CLEC16A: variants seen among roughly 807,000 people sequenced by gnomAD.
The protein encoded by CLEC16A is protein CLEC16A.
Under a neutral mutation model 109.5 loss-of-function variants are expected in CLEC16A, and 51 were observed. The observed-to-expected ratio is 0.47, with a 90% CI of 0.37 to 0.59. The LOEUF is 0.59. Among genes scored for constraint, CLEC16A ranks in the 20% least tolerant of loss-of-function variants. The pLI, the probability that CLEC16A is intolerant of heterozygous loss-of-function variation, is 0.00. For missense variants in CLEC16A, 1,339 were observed against 1,394.0 expected (o/e 0.96, Z 0.63); for synonymous variants, 673 against 564.2 (o/e 1.19, Z -2.73).
At position 10,944,745 on chromosome 16, in the gene CLEC16A, G is replaced by A. The variant is rs751319151; in HGVS notation, c.28G>A (p.Gly10Ser). 8 of 1,609,412 alleles carry A rather than the reference G, an allele frequency of 5.0e-6. No homozygotes were observed. The highest frequency in any genetic ancestry group is 4.5e-5 in the East Asian group (2 of 44,844). ...GTTTGGCCGCTCGCGGAGCTGGGTGGGCGGGGGCCATGGCAAGACTTCCCG... is the reference window on the plus strand; with the variant it reads ...GTTTGGCCGCTCGCGGAGCTGGGTGAGCGGGGGCCATGGCAAGACTTCCCG... MFGRSRSWV[G>S]GGHGKTSRNI... Residue 10 changes from glycine to serine, a missense_variant, in exon 1 of 24, where the codon GGC becomes AGC. Around this residue, in one of 3 missense-constraint regions of CLEC16A, gnomAD observed 117 missense variants for 120.2 expected, o/e 0.97. Coordinates refer to ENST00000409790, the MANE Select transcript of CLEC16A (RefSeq NM_015226.3).
At chr16:11,026,655 T>TC (rs1386212512) in intron 13 of CLEC16A, among the ~76,000 whole-genome samples, 1 of 151,100 alleles carries the variant, frequency 6.6e-6, no homozygotes, top group East Asian at 1.9e-4. Flanking sequence ...GTTTTTTTTT[T>TC]TTTTTTTTGC....
intron 10 of CLEC16A, among the ~76,000 whole-genome samples, chr16:10,995,320 G>T (rs1053288291): frequency 2.0e-5 from 3 of 152,200 alleles, no homozygotes; most frequent in African/African-American, 7.2e-5. Context: ...CGGTGGATGG[G>T]ACCCTGGGCC....
chr16:10,962,973 T>G (rs2042324234), intron 3 of CLEC16A, among the ~76,000 whole-genome samples: 1 of 151,954 alleles, frequency 6.6e-6, no homozygotes. Flanking sequence ...GCAGGAAGAT[T>G]GTTTGTCAAG....
chr16:11,093,922 G>A (rs1042571737), intron 19 of CLEC16A, among the ~76,000 whole-genome samples: 5 of 152,178 alleles, frequency 3.3e-5, no homozygotes, highest in African/African-American at 1.2e-4. Flanking sequence ...CCAAGCCACG[G>A]TGCGTTCAGG....
intron 22 of CLEC16A, among the ~76,000 whole-genome samples, chr16:11,161,826 G>A (rs1231511066): frequency 6.6e-6 from 1 of 152,194 alleles, no homozygotes; most frequent in Non-Finnish European, 1.5e-5. Context: ...ACGTGTCCAT[G>A]GTGGTACCTC....
At chr16:11,166,654 C>T in intron 23 of CLEC16A, 102 bp downstream of exon 23, 1 of 1,222,238 alleles carries the variant, frequency 8.2e-7, no homozygotes, top group African/African-American at 1.5e-5. Flanking sequence ...TGTCACAGCA[C>T]TTGAAGGATG....
intron 22 of CLEC16A, among the ~76,000 whole-genome samples, chr16:11,141,206 C>T (rs1025607298): frequency 6.6e-6 from 1 of 152,244 alleles, no homozygotes; most frequent in African/African-American, 2.4e-5. Context: ...TGGGCTCTGC[C>T]AGCCATATGG....
chr16:10,945,212 C>G (rs1003506330), intron 1 of CLEC16A, among the ~76,000 whole-genome samples: 1 of 152,200 alleles, frequency 6.6e-6, no homozygotes, highest in Non-Finnish European at 1.5e-5. Flanking sequence ...ATGTAGGCCT[C>G]AGGTTCCCCA....
intron 13 of CLEC16A, among the ~76,000 whole-genome samples, chr16:11,032,956 C>T (rs2046828211): frequency 6.6e-6 from 1 of 151,966 alleles, no homozygotes; most frequent in South Asian, 2.1e-4. Flanking sequence ...TTAAAAGAAA[C>T]GTTGGCTACC....
chr16:10,973,194 C>T, intron 7 of CLEC16A, 133 bp downstream of exon 7: 1 of 1,006,568 alleles, frequency 9.9e-7, no homozygotes, highest in Non-Finnish European at 1.4e-6. Context: ...GACTTCCGTA[C>T]TGTAAAAGGT....
In CLEC16A at chr16:11,009,641, C is replaced by T. The variant is rs77829655; in HGVS notation, c.1303+6336C>T. Among the ~76,000 whole-genome samples, 485 of 152,212 alleles carry T rather than the reference C, an allele frequency of 3.2e-3. 4 individuals are homozygous for T. The highest frequency in any genetic ancestry group is 0.027 in the Middle Eastern group (8 of 292). On this transcript the variant is annotated intron_variant, in intron 11 of 23. Coordinates refer to ENST00000409790, the MANE Select transcript of CLEC16A (RefSeq NM_015226.3). Reference sequence around the variant, plus strand: ...CTAGGCGCTGGAGTGTTGGACATGACGGGCCATGCTGCCTGGCATGGGAAC... The same window carrying T: ...CTAGGCGCTGGAGTGTTGGACATGATGGGCCATGCTGCCTGGCATGGGAAC...
chr16:11,141,097 C>A (rs933658791), intron 22 of CLEC16A, among the ~76,000 whole-genome samples: 5 of 152,258 alleles, frequency 3.3e-5, no homozygotes, highest in Non-Finnish European at 5.9e-5. Flanking sequence ...GCCAGCACTC[C>A]CAGCTTCATG....
At chr16:11,051,154 C>T (rs1439522864) in intron 17 of CLEC16A, among the ~76,000 whole-genome samples, 5 of 152,176 alleles carry the variant, frequency 3.3e-5, no homozygotes, top group East Asian at 1.9e-4. Flanking sequence ...AGGTGGCAGA[C>T]GGGCTTGCAC....
intron 12 of CLEC16A, among the ~76,000 whole-genome samples, chr16:11,023,068 G>A (rs979382154): frequency 1.3e-5 from 2 of 149,508 alleles, no homozygotes; most frequent in Non-Finnish European, 3.0e-5. Context: ...AGAATCAGGG[G>A]GACTACCATT....
intron 13 of CLEC16A, among the ~76,000 whole-genome samples, chr16:11,036,430 C>T (rs1256483483): frequency 6.6e-6 from 1 of 152,202 alleles, no homozygotes; most frequent in Non-Finnish European, 1.5e-5. Flanking sequence ...CCAACCTGAG[C>T]AGCTCGCCCC....
chr16:11,067,183 G>GTTTTTTTTTTTTT, intron 19 of CLEC16A, among the ~76,000 whole-genome samples: 1 of 104,826 alleles, frequency 9.5e-6, no homozygotes, highest in East Asian at 2.9e-4. Flanking sequence ...TTTTTTGTTT[G>GTTTTTTTTTTTTT]TTTTTGTTTT....
chr16:11,067,165 TTG>T (rs1491062916), intron 19 of CLEC16A, among the ~76,000 whole-genome samples: 8 of 147,650 alleles, frequency 5.4e-5, no homozygotes, highest in African/African-American at 1.8e-4. Context: ...GGTTTTTTTT[TTG>T]GTTTTTTTTT....
chr16:11,061,059 G>C, intron 19 of CLEC16A, 37 bp downstream of exon 19: 1 of 1,546,474 alleles, frequency 6.5e-7, no homozygotes, highest in Non-Finnish European at 8.7e-7. Flanking sequence ...AGGGGGCTGG[G>C]GGACATGGGA....
At chr16:11,004,633 G>A (rs576001738) in intron 11 of CLEC16A, among the ~76,000 whole-genome samples, 1 of 152,284 alleles carries the variant, frequency 6.6e-6, no homozygotes, top group South Asian at 2.1e-4. Context: ...GCTTTTGGGA[G>A]TTGCCTGAGA....
Sources: gnomAD v4.1 joint callset for allele counts (sites outside exome capture counted in the v4.1 genomes callset) on GRCh38, gnomAD v4.1.1 for gene constraint, gnomAD v4.1.1 regional missense constraint, MANE v1.5 for transcripts, NCBI Gene and HGNC (gene_info 2026-07-23, HGNC 2026-07-21) for gene names.